The following INPP5D variants were observed in gnomAD, a reference collection of about 807,000 sequenced individuals.
INPP5D encodes phosphatidylinositol 3,4,5-trisphosphate 5-phosphatase 1.
In INPP5D, 33 loss-of-function variants were observed where a neutral mutation model predicts 122.9. The observed-to-expected ratio is 0.27, with a 90% confidence interval of 0.20 to 0.36. The LOEUF is 0.36. INPP5D is among the 10% of genes least tolerant of loss of function. INPP5D has a pLI of 1.00. For missense variants in INPP5D, 1,053 were observed against 1,412.7 expected, an observed-to-expected ratio of 0.75 and a Z score of 4.08; for synonymous variants, 584 against 576.2, an observed-to-expected ratio of 1.01 and a Z score of -0.19.
chr2:233,186,355 A>G (rs2106316957), intron 21 of INPP5D, among the ~76,000 whole-genome samples: 1 of 152,272 alleles, frequency 6.6e-6, no homozygotes, highest in Non-Finnish European at 1.5e-5. Context: ...AATCGAGTAC[A>G]AAGAGGCATA....
At chr2:233,093,963 C>A (rs770409650) in intron 2 of INPP5D, among the ~76,000 whole-genome samples, 5 of 151,996 alleles carry the variant, frequency 3.3e-5, no homozygotes, top group South Asian at 4.2e-4. Flanking sequence ...CTGTGCTTCT[C>A]CCTGGAGTCT....
chr2:233,146,543 A>G, intron 8 of INPP5D, 105 bp downstream of exon 8: 1 of 693,716 alleles, frequency 1.4e-6, no homozygotes, highest in Non-Finnish European at 2.6e-6. Context: ...TAGCTGGGGA[A>G]GAGCAGGGAG....
chr2:233,142,704 G>A (rs1472994185), intron 6 of INPP5D, among the ~76,000 whole-genome samples: 5 of 152,076 alleles, frequency 3.3e-5, no homozygotes, highest in Non-Finnish European at 7.4e-5. Context: ...CTGCCTTGGC[G>A]CCCACTTCCT....
Position 233,100,618 on chromosome 2 carries a change from T to C in INPP5D, c.198+21220T>C, listed in dbSNP as rs1360048391. Among the ~76,000 whole-genome samples, 1 of 152,184 alleles carries C rather than the reference T, an allele frequency of 6.6e-6. No homozygotes were observed. The highest frequency in any genetic ancestry group is 1.5e-5 in the Non-Finnish European group (1 of 68,028). ...TTGAGCTCGCTCACCCAGAGCTCTC[T>C]CTCTTCCCTGGGATGAGGCTTGGTT... On this transcript the variant is annotated intron_variant, in intron 2 of 26. Transcript: ENST00000445964. The surrounding 1 kb of genome is among the most constrained non-coding windows in gnomAD (Gnocchi z 5.3).
intron 1 of INPP5D, among the ~76,000 whole-genome samples, chr2:233,065,631 CTTTCTTTCTTTCTTTCTTTCT>C (rs1318296559): frequency 0.042 from 271 of 6,454 alleles, 117 homozygotes; most frequent in African/African-American, 0.22. Context: ...TTCTTTCTTT[CTTTCTTTCTTTCTTTCTTTCT>C]TTTTTTTTTT....
intron 2 of INPP5D, among the ~76,000 whole-genome samples, chr2:233,088,436 G>A (rs1208642512): frequency 6.6e-6 from 1 of 152,222 alleles, no homozygotes; most frequent in African/African-American, 2.4e-5. Flanking sequence ...TTCCCGAGAT[G>A]TCCCGAGACA....
intron 5 of INPP5D, among the ~76,000 whole-genome samples, chr2:233,131,815 C>T (rs974219555): frequency 1.3e-5 from 2 of 152,152 alleles, no homozygotes; most frequent in East Asian, 3.8e-4. Context: ...CACATACAGC[C>T]GTTTCAAGAT....
At chr2:233,149,670 T>A (rs1267778761) in intron 9 of INPP5D, among the ~76,000 whole-genome samples, 1 of 152,140 alleles carries the variant, frequency 6.6e-6, no homozygotes, top group African/African-American at 2.4e-5. Context: ...CAATAGTGCA[T>A]CCTGAACCCC....
chr2:233,115,512 A>C (rs1692763777), intron 2 of INPP5D, among the ~76,000 whole-genome samples: 1 of 152,190 alleles, frequency 6.6e-6, no homozygotes, highest in Non-Finnish European at 1.5e-5. Context: ...AGCCTCCAGC[A>C]GTCTGGACAA....
At chr2:233,127,859 C>A (rs1377085466) in intron 4 of INPP5D, among the ~76,000 whole-genome samples, 1 of 152,196 alleles carries the variant, frequency 6.6e-6, no homozygotes, top group Non-Finnish European at 1.5e-5. Flanking sequence ...CTGCCCGCCT[C>A]GACCTCCCAA....
chr2:233,074,912 T>G (rs1691479201), intron 1 of INPP5D, among the ~76,000 whole-genome samples: 1 of 152,140 alleles, frequency 6.6e-6, no homozygotes, highest in Non-Finnish European at 1.5e-5. Context: ...CAGTGTTCAT[T>G]TGGCTAGGAA....
chr2:233,136,013 C>A (rs1693456408), intron 5 of INPP5D, among the ~76,000 whole-genome samples: 1 of 152,140 alleles, frequency 6.6e-6, no homozygotes, highest in African/African-American at 2.4e-5. Context: ...TTAAAATCAC[C>A]TTCTAAATTA....
intron 18 of INPP5D, among the ~76,000 whole-genome samples, chr2:233,179,102 T>A (rs1694719973): frequency 6.6e-6 from 1 of 152,210 alleles, no homozygotes; most frequent in Non-Finnish European, 1.5e-5. Flanking sequence ...AGAAGTGACG[T>A]CACTAGACGA....
Position 233,206,965 on chromosome 2 carries a change from C to G in INPP5D, c.*257C>G, listed in dbSNP as rs1020361502. ...CTGGGTCCCCAGCTCGCTCTTGGTA[C>G]TTGGGACCCCAGTGCCTCGTTGAGG... On this transcript the variant is annotated 3_prime_UTR_variant, in exon 27 of 27. Coordinates refer to ENST00000445964, the MANE Select transcript of INPP5D (RefSeq NM_001017915.3). This position sits in a 1 kb window ranked among gnomAD's most constrained non-coding sequence, Gnocchi z 4.0. 4.1e-6 allele frequency: 2 copies of G among 482,028 alleles called. No individual in the cohort carries two copies. The highest frequency in any genetic ancestry group is 4.0e-5 in the African/African-American group (2 of 50,174). The allele number at this position is 482,028 out of a possible 1,614,324, so 29.9% of individuals were successfully genotyped here.
At chr2:233,067,738 G>T (rs1691266196) in intron 1 of INPP5D, among the ~76,000 whole-genome samples, 1 of 152,206 alleles carries the variant, frequency 6.6e-6, no homozygotes, top group South Asian at 2.1e-4. Flanking sequence ...TGGGTGTGAA[G>T]TGATGTCTTA....
At chr2:233,193,487 T>G (rs1695103915) in intron 22 of INPP5D, among the ~76,000 whole-genome samples, 1 of 152,232 alleles carries the variant, frequency 6.6e-6, no homozygotes, top group South Asian at 2.1e-4. Flanking sequence ...GCATGTCCTC[T>G]TGCCCGCCAA....
chr2:233,064,744 G>C (rs973646184), intron 1 of INPP5D, among the ~76,000 whole-genome samples: 8 of 151,082 alleles, frequency 5.3e-5, no homozygotes, highest in Middle Eastern at 3.4e-3. Flanking sequence ...AGCCTGGAGA[G>C]GGAACTTCTC....
intron 18 of INPP5D, among the ~76,000 whole-genome samples, chr2:233,179,237 T>G (rs1694724162): frequency 6.6e-6 from 1 of 152,182 alleles, no homozygotes; most frequent in South Asian, 2.1e-4. Flanking sequence ...GCCTCCTCAC[T>G]TGTGCATTCC....
rs1237289997 is a variant in INPP5D at position 233,114,055 on chromosome 2, C to T, written c.199-8052C>T. Among the ~76,000 whole-genome samples the T allele has an allele frequency of 4.6e-5, 7 of 152,100 alleles. No individual in the cohort carries two copies. The South Asian group carries it at 6.2e-4, about 14-fold the overall frequency. On this transcript the variant is annotated intron_variant, in intron 2 of 26. Coordinates refer to ENST00000445964, the MANE Select transcript of INPP5D (RefSeq NM_001017915.3). ...CCTCCCAAGTAGCTGGGACTACAGGCGCCACCAACACGCCCAGCTAATTTT... is the reference window on the plus strand; with the variant it reads ...CCTCCCAAGTAGCTGGGACTACAGGTGCCACCAACACGCCCAGCTAATTTT...
Sources: gnomAD v4.1 joint callset for allele counts (sites outside exome capture counted in the v4.1 genomes callset) on GRCh38, gnomAD v4.1.1 for gene constraint, Gnocchi (gnomAD v3.1) non-coding constraint, MANE v1.5 for transcripts, NCBI Gene and HGNC (gene_info 2026-07-23, HGNC 2026-07-21) for gene names.